The following BTBD9 variants were observed in gnomAD, a reference collection of about 807,000 sequenced individuals.
The protein encoded by BTBD9 is BTB domain containing 9.
Under a neutral mutation model 64.3 loss-of-function variants are expected in BTBD9, and 49 were observed. That is an observed-to-expected ratio of 0.76 (90% CI 0.61 to 0.97). BTBD9 has a LOEUF of 0.97. BTBD9 is among the 50% of genes least tolerant of loss of function. The pLI is 0.00. For synonymous variants in BTBD9, 260 were observed against 274.7 expected (o/e 0.95, Z 0.53); for missense variants, 598 against 762.1 (o/e 0.78, Z 2.53).
chr6:38,309,641 G>A (rs1306773275), intron 7 of BTBD9, among the ~76,000 whole-genome samples: 1 of 151,848 alleles, frequency 6.6e-6, no homozygotes, highest in Non-Finnish European at 1.5e-5. Context: ...TCAATCTCCT[G>A]ACCTCATGAT....
At chr6:38,486,075 C>A (rs1158080096) in intron 6 of BTBD9, among the ~76,000 whole-genome samples, 1 of 152,208 alleles carries the variant, frequency 6.6e-6, no homozygotes, top group Non-Finnish European at 1.5e-5. Flanking sequence ...TCAACCTCTG[C>A]TAGCTCCAAG....
intron 6 of BTBD9, among the ~76,000 whole-genome samples, chr6:38,538,783 C>CT (rs55908292): frequency 5.8e-4 from 85 of 147,076 alleles, no homozygotes; most frequent in African/African-American, 1.1e-3. Context: ...TTTTCTTTTT[C>CT]TTTTTTTTTT....
intron 6 of BTBD9, among the ~76,000 whole-genome samples, chr6:38,483,784 T>C (rs1265838215): frequency 2.0e-5 from 3 of 152,194 alleles, no homozygotes; most frequent in Non-Finnish European, 4.4e-5. Flanking sequence ...GATTGCTGCA[T>C]AGCCAAGCCA....
At chr6:38,399,728 T>C (rs992117214) in intron 6 of BTBD9, among the ~76,000 whole-genome samples, 2 of 152,084 alleles carry the variant, frequency 1.3e-5, no homozygotes, top group African/African-American at 2.4e-5. Flanking sequence ...GACTATGTTC[T>C]GATCTTTTCT....
At chr6:38,490,190 G>C (rs1170841186) in intron 6 of BTBD9, among the ~76,000 whole-genome samples, 1 of 152,198 alleles carries the variant, frequency 6.6e-6, no homozygotes, top group Non-Finnish European at 1.5e-5. Context: ...AGGAGGCCCA[G>C]ATGCTTGTCC....
intron 7 of BTBD9, among the ~76,000 whole-genome samples, chr6:38,298,468 C>A (rs1401617192): frequency 6.6e-6 from 1 of 152,066 alleles, no homozygotes; most frequent in Non-Finnish European, 1.5e-5. Flanking sequence ...CAGAGTATCC[C>A]TCGCCTCAAG....
chr6:38,198,750 C>T (rs542408825), intron 9 of BTBD9, among the ~76,000 whole-genome samples: 1 of 152,322 alleles, frequency 6.6e-6, no homozygotes, highest in Admixed American at 6.5e-5. Flanking sequence ...AGAATGCATT[C>T]TTTCCACTAA....
At chr6:38,528,558 A>AT in intron 6 of BTBD9, among the ~76,000 whole-genome samples, 1 of 152,148 alleles carries the variant, frequency 6.6e-6, no homozygotes. Flanking sequence ...AAGGAAGAGT[A>AT]TTTTGTCTTA....
At chr6:38,264,920 C>G (rs1425858882) in intron 8 of BTBD9, among the ~76,000 whole-genome samples, 2 of 152,134 alleles carry the variant, frequency 1.3e-5, no homozygotes, top group African/African-American at 4.8e-5. Flanking sequence ...GCAAAGGGAA[C>G]ACCAGTCTCC....
At chr6:38,331,180 A>G (rs1315149237) in intron 7 of BTBD9, among the ~76,000 whole-genome samples, 1 of 152,248 alleles carries the variant, frequency 6.6e-6, no homozygotes, top group Admixed American at 6.5e-5. Flanking sequence ...ACAAATTAAT[A>G]ATAAGAAAGA....
chr6:38,588,363 T>C, intron 4 of BTBD9: 1 of 866,956 alleles, frequency 1.2e-6, no homozygotes, highest in Non-Finnish European at 2.0e-6. Context: ...CTGTGGCCCC[T>C]GCCTCTCAAC....
chr6:38,230,281 G>A (rs556748497), intron 9 of BTBD9, among the ~76,000 whole-genome samples: 1 of 152,224 alleles, frequency 6.6e-6, no homozygotes, highest in East Asian at 1.9e-4. Flanking sequence ...GATCACCTGA[G>A]GTCAGGAGTT....
At chr6:38,545,153 G>A (rs546875547) in intron 6 of BTBD9, among the ~76,000 whole-genome samples, 28 of 151,490 alleles carry the variant, frequency 1.8e-4, no homozygotes, top group African/African-American at 6.3e-4. Flanking sequence ...GTGTGGAGGC[G>A]CAATCTCAGC....
chr6:38,551,099 C>T (rs1774783792), intron 6 of BTBD9, among the ~76,000 whole-genome samples: 1 of 151,246 alleles, frequency 6.6e-6, no homozygotes, highest in Non-Finnish European at 1.5e-5. Flanking sequence ...AATTGCAAAC[C>T]CACCCCATAA....
At chr6:38,455,018 C>T (rs1769732473) in intron 6 of BTBD9, among the ~76,000 whole-genome samples, 1 of 152,042 alleles carries the variant, frequency 6.6e-6, no homozygotes. Flanking sequence ...TTTTTGTTGG[C>T]CTTCCAGCAC....
At chr6:38,219,459 G>C (rs1302538889) in intron 9 of BTBD9, among the ~76,000 whole-genome samples, 1 of 151,550 alleles carries the variant, frequency 6.6e-6, no homozygotes, top group Non-Finnish European at 1.5e-5. Context: ...TTCTTTTTTA[G>C]ACTAAATACT....
At chr6:38,477,841 C>T (rs1009399566) in intron 6 of BTBD9, among the ~76,000 whole-genome samples, 1 of 152,176 alleles carries the variant, frequency 6.6e-6, no homozygotes, top group Non-Finnish European at 1.5e-5. Flanking sequence ...AACGATGCCA[C>T]GAACACATCA....
At chr6:38,592,450 G>T in intron 4 of BTBD9, 126 bp downstream of exon 4, 2 of 1,022,230 alleles carry the variant, frequency 2.0e-6, no homozygotes, top group Non-Finnish European at 2.9e-6. Context: ...CCATAGGCTA[G>T]CTGTTTATAA....
chr6:38,324,782 C>G (rs547770365), intron 7 of BTBD9, among the ~76,000 whole-genome samples: 37 of 152,278 alleles, frequency 2.4e-4, no homozygotes, highest in Admixed American at 1.6e-3. Flanking sequence ...CTTTAGTACT[C>G]AGGCATCTCA....
Sources: allele counts gnomAD v4.1 joint callset (sites outside exome capture counted in the v4.1 genomes callset), GRCh38; gene constraint gnomAD v4.1.1; transcripts MANE v1.5; gene names NCBI Gene and HGNC (gene_info 2026-07-23, HGNC 2026-07-21).